The following ELK3 variants were observed in gnomAD, a reference collection of about 807,000 sequenced individuals.
ELK3 encodes ETS transcription factor ELK3.
ELK3 carries 10 observed loss-of-function variants against 28.9 expected under a neutral mutation model. The ratio of observed to expected loss-of-function variants is 0.35; its 90% confidence interval spans 0.21 to 0.59. ELK3 has a LOEUF of 0.59. Ranked by LOEUF, ELK3 falls within the 20% of genes least tolerant of loss-of-function variation. The pLI, the probability that ELK3 is intolerant of heterozygous loss-of-function variation, is 0.82. For synonymous variants in ELK3, 272 were observed against 243.5 expected, an observed-to-expected ratio of 1.12 and a Z score of -1.09; for missense variants, 463 against 517.3, an observed-to-expected ratio of 0.90 and a Z score of 1.02.
intron 1 of ELK3, among the ~76,000 whole-genome samples, chr12:96,214,257 C>T (rs902528361): frequency 6.6e-6 from 1 of 151,938 alleles, no homozygotes. Flanking sequence ...ATGCTGAAAC[C>T]CTGTCTCTAC....
At chr12:96,194,996 C>G (rs948457073) in intron 1 of ELK3, among the ~76,000 whole-genome samples, 79 of 151,456 alleles carry the variant, frequency 5.2e-4, no homozygotes, top group African/African-American at 1.9e-3. Context: ...CCTGGGGCTG[C>G]GCTGCGACCC....
chr12:96,266,941 G>A lies in ELK3; in HGVS notation c.1126-141G>A, dbSNP rs576913259. 75 of 564,472 alleles carry A rather than the reference G, an allele frequency of 1.3e-4. 1 individual carries two copies. In the South Asian group the frequency reaches 2.5e-3, roughly 19 times the overall value. The allele number at this position is 564,472 out of a possible 1,614,324, so 35.0% of individuals were successfully genotyped here. A position where few individuals can be genotyped will look rare whatever the true frequency, so the allele number is the denominator to read the frequency against. ...CTCATTGTCATCTTCCAATTATTCT[G>A]TAAAATACATTGGCAACTAATCTCT... On this transcript the variant is annotated intron_variant, in intron 4 of 4. Transcript: ENST00000228741.
intron 2 of ELK3, among the ~76,000 whole-genome samples, chr12:96,226,520 A>ATGCACACG (rs60072749): frequency 1.3e-5 from 2 of 149,680 alleles, no homozygotes; most frequent in Non-Finnish European, 3.0e-5. Context: ...CCATGCCCAC[A>ATGCACACG]CAGATGTCCA....
At chr12:96,204,667 C>CT (rs1371867665) in intron 1 of ELK3, among the ~76,000 whole-genome samples, 3 of 152,182 alleles carry the variant, frequency 2.0e-5, no homozygotes, top group Non-Finnish European at 4.4e-5. Flanking sequence ...CTGTGGGAAT[C>CT]AACAGTAGGA....
At chr12:96,257,834 TAC>T (rs1565792459) in intron 3 of ELK3, among the ~76,000 whole-genome samples, 1 of 152,250 alleles carries the variant, frequency 6.6e-6, no homozygotes, top group Non-Finnish European at 1.5e-5. Flanking sequence ...CTTCTCTGTA[TAC>T]AGTTGAGAAT....
intron 1 of ELK3, among the ~76,000 whole-genome samples, chr12:96,217,265 T>C (rs1251749068): frequency 6.6e-6 from 1 of 152,198 alleles, no homozygotes; most frequent in Non-Finnish European, 1.5e-5. Flanking sequence ...AAAAGAATTA[T>C]GCTTCAGTGA....
intron 1 of ELK3, among the ~76,000 whole-genome samples, chr12:96,216,101 G>A (rs74335324): frequency 0.01 from 1,568 of 152,252 alleles, 33 homozygotes; most frequent in African/African-American, 0.035. Context: ...TGACCAGCCC[G>A]TGAATGCCCT....
intron 3 of ELK3, among the ~76,000 whole-genome samples, chr12:96,250,577 C>A (rs1329962953): frequency 2.6e-5 from 4 of 152,214 alleles, no homozygotes; most frequent in Non-Finnish European, 5.9e-5. Flanking sequence ...TGGCTCTCAA[C>A]AGCCAGGCAT....
intron 1 of ELK3, among the ~76,000 whole-genome samples, chr12:96,215,738 C>T (rs979059905): frequency 4.0e-4 from 61 of 150,754 alleles, no homozygotes; most frequent in African/African-American, 1.5e-3. Context: ...CAGGCTTAGG[C>T]GATCCTCTCA....
intron 1 of ELK3, among the ~76,000 whole-genome samples, chr12:96,199,733 T>C (rs1015022346): frequency 2.6e-5 from 4 of 152,224 alleles, no homozygotes; most frequent in African/African-American, 9.6e-5. Flanking sequence ...GAATTCCCAC[T>C]AGGAATAAAG....
chr12:96,212,818 A>G (rs1160273697), intron 1 of ELK3: 12 of 152,164 alleles, frequency 7.9e-5, no homozygotes. Flanking sequence ...ACAGGACTCA[A>G]AGAAGATCAC....
At chr12:96,262,098 A>G (rs1951997685) in intron 4 of ELK3, among the ~76,000 whole-genome samples, 1 of 150,612 alleles carries the variant, frequency 6.6e-6, no homozygotes, top group African/African-American at 2.5e-5. Flanking sequence ...TGCTCACTGC[A>G]ATTTCCACCT....
At position 96,247,032 on chromosome 12, in the gene ELK3, C is replaced by G. The variant is rs1437351219; in HGVS notation, c.300C>G (p.Ile100Met). The G allele has an allele frequency of 6.2e-7, 1 of 1,614,178 alleles. No individual in the cohort carries two copies. The highest frequency in any genetic ancestry group is 8.5e-7 in the Non-Finnish European group (1 of 1,180,032). Residue 100 changes from isoleucine (I) to methionine (M), a missense_variant, in exon 3 of 5, where the codon ATC becomes ATG. Around this residue, in one of 2 missense-constraint regions of ELK3, gnomAD observed 408 missense variants for 414.8 expected, o/e 0.98. Coordinates refer to ENST00000228741, the MANE Select transcript of ELK3 (RefSeq NM_005230.4). This position sits in a 1 kb window ranked among gnomAD's most constrained non-coding sequence, Gnocchi z 5.5. ...AGATGGATCCTCACGCGGTGGAGAT[C>G]AGCCGGGAGAGCCTTCTGCTGCAGG... ...ILKMDPHAVE[I>M]SRESLLLQDS...
At chr12:96,259,152 G>A (rs1247183282) in intron 3 of ELK3, among the ~76,000 whole-genome samples, 1 of 152,180 alleles carries the variant, frequency 6.6e-6, no homozygotes, top group Non-Finnish European at 1.5e-5. Flanking sequence ...AAACCATTCG[G>A]ACGAAAGTTG....
chr12:96,199,389 G>C (rs1039351107), intron 1 of ELK3, among the ~76,000 whole-genome samples: 2 of 151,892 alleles, frequency 1.3e-5, no homozygotes, highest in African/African-American at 4.8e-5. Context: ...TTGAATTGAG[G>C]TCATTCAGCC....
intron 3 of ELK3, among the ~76,000 whole-genome samples, chr12:96,259,357 G>T (rs543677609): frequency 4.5e-4 from 69 of 152,196 alleles, no homozygotes; most frequent in Non-Finnish European, 8.5e-4. Context: ...TTCGAGACCA[G>T]CCTGGCCAAC....
chr12:96,225,790 G>A (rs1051214815), intron 2 of ELK3, among the ~76,000 whole-genome samples: 7 of 152,162 alleles, frequency 4.6e-5, no homozygotes, highest in African/African-American at 1.7e-4. Flanking sequence ...GTTCCAGGTA[G>A]GCAGTCAGGC....
chr12:96,247,178 A>T lies in ELK3; in HGVS notation c.446A>T (p.Asn149Ile). The T allele has an allele frequency of 2.5e-6, 4 of 1,614,116 alleles. No individual in the cohort carries two copies. In the South Asian group the frequency reaches 4.4e-5, roughly 18 times the overall value. The change falls in exon 3 of 5, where the codon AAT becomes ATT. Residue 149 changes from asparagine (N) to isoleucine (I), a missense_variant. Transcript: ENST00000228741. The surrounding 1 kb of genome is among the most constrained non-coding windows in gnomAD (Gnocchi z 5.5). ...GGCCTGTACTCGTCCTTCACCATTAATTCCCTGCAGAACCCACCAGACGCC... is the reference window on the plus strand; with the variant it reads ...GGCCTGTACTCGTCCTTCACCATTATTTCCCTGCAGAACCCACCAGACGCC... ...HSGLYSSFTI[N>I]SLQNPPDAFK...
intron 1 of ELK3, among the ~76,000 whole-genome samples, chr12:96,212,488 G>T (rs1045370963): frequency 6.6e-6 from 1 of 152,100 alleles, no homozygotes; most frequent in African/African-American, 2.4e-5. Flanking sequence ...TTCAAGACAT[G>T]GTCTGCTGTT....
Sources: gnomAD v4.1 joint callset for allele counts (sites outside exome capture counted in the v4.1 genomes callset) on GRCh38, gnomAD v4.1.1 for gene constraint, gnomAD v4.1.1 regional missense constraint, Gnocchi (gnomAD v3.1) non-coding constraint, MANE v1.5 for transcripts, NCBI Gene and HGNC (gene_info 2026-07-23, HGNC 2026-07-21) for gene names.